NBPF8: variants seen among roughly 807,000 people sequenced by gnomAD.
NBPF8 encodes the protein NBPF family member NBPF8.
intron 11 of NBPF8, among the ~76,000 whole-genome samples, chr1:120,449,632 T>G (rs1556606440): frequency 1.3e-5 from 2 of 152,182 alleles, no homozygotes; most frequent in South Asian, 2.1e-4. Context: ...TAAACTGCCA[T>G]TTATTGATTT....
chr1:120,450,704 A>G (rs1661242738), intron 11 of NBPF8, among the ~76,000 whole-genome samples: 1 of 152,214 alleles, frequency 6.6e-6, no homozygotes, highest in South Asian at 2.1e-4. Flanking sequence ...AACTGAAGAT[A>G]TGATTTAAAA....
chr1:120,417,775 A>AT (rs1335148303), upstream of NBPF8, among the ~76,000 whole-genome samples: 2 of 142,172 alleles, frequency 1.4e-5, no homozygotes, highest in Non-Finnish European at 3.0e-5. Context: ...TAATTTTCAT[A>AT]TTTTTTGTAG....
At chr1:120,452,918 C>T (rs1661325573) in intron 13 of NBPF8, among the ~76,000 whole-genome samples, 1 of 151,936 alleles carries the variant, frequency 6.6e-6, no homozygotes, top group Non-Finnish European at 1.5e-5. Flanking sequence ...ATAGAATGTC[C>T]CTGAAGAACA....
At chr1:120,454,205 A>G (rs1446220607) in intron 15 of NBPF8, 91 bp downstream of exon 13, 2 of 1,489,106 alleles carry the variant, frequency 1.3e-6, no homozygotes, top group Non-Finnish European at 1.9e-6. Flanking sequence ...AATTCATTTG[A>G]ATAAAAAACT....
chr1:120,451,987 C>T (rs1661287936), intron 12 of NBPF8, 130 bp from the exon 11 acceptor site: 1 of 1,052,628 alleles, frequency 9.5e-7, no homozygotes, highest in East Asian at 2.3e-5. Context: ...ACAGACATTC[C>T]TTTCAACATG....
chr1:120,436,123 C>T (rs1204134215), upstream of NBPF8, among the ~76,000 whole-genome samples: 2 of 150,714 alleles, frequency 1.3e-5, no homozygotes, highest in Non-Finnish European at 3.0e-5. Context: ...TGGTGACCCT[C>T]AGGTGAGACT....
rs1660577293 is a variant in NBPF8, at chr1:120,421,522, T to TCCTC, written n.269+1408_269+1411dup. On this transcript the variant is annotated intron_variant and non_coding_transcript_variant, in intron 1 of 28. Coordinates refer to the NBPF8 transcript ENST00000652355. ...TCCCTCCCTCCCTTCCTTCCTTCCT[T>TCCTC]CCTCCCTTCCTCCTTCCTTCCCTCC... 2.0e-5 allele frequency among the ~76,000 whole-genome samples: 3 copies of TCCTC among 148,098 alleles called. No individual in the cohort carries two copies. The East Asian group carries it at 6.1e-4, about 30-fold the overall frequency.
At chr1:120,464,630 C>G in intron 23 of NBPF8, 82 bp downstream of exon 21, 1 of 759,664 alleles carries the variant, frequency 1.3e-6, no homozygotes, top group Non-Finnish European at 2.4e-6. Context: ...GTGGCCATTA[C>G]TGAGCTGAGA....
chr1:120,468,167 C>T (rs1288722343), downstream of NBPF8, among the ~76,000 whole-genome samples: 1 of 150,016 alleles, frequency 6.7e-6, no homozygotes, highest in African/African-American at 2.5e-5. Flanking sequence ...CTTTTTCCTA[C>T]CTCCTTTACC....
intron 15 of NBPF8, 135 bp from the exon 14 acceptor site, chr1:120,455,274 C>G: frequency 3.2e-6 from 2 of 632,572 alleles, no homozygotes; most frequent in Admixed American, 2.8e-5. Context: ...CTAGGACAAC[C>G]TAGAATATTC....
exon 14 of NBPF8, chr1:120,453,381 A>C: frequency 1.2e-6 from 1 of 866,156 alleles, no homozygotes; most frequent in Non-Finnish European, 1.8e-6. Context: ...GAAAATGACA[A>C]CGATGACGAT....
chr1:120,460,057 G>C (rs1226140637), intron 17 of NBPF8, among the ~76,000 whole-genome samples: 1 of 152,112 alleles, frequency 6.6e-6, no homozygotes, highest in Middle Eastern at 3.2e-3. Flanking sequence ...TGTCCGTCAT[G>C]TTCCTGGTAT....
In NBPF8 at chr1:120,466,189, G is replaced by T; in HGVS notation, n.3780G>T. 3 of 1,609,318 alleles carry T rather than the reference G, an allele frequency of 1.9e-6. No individual in the cohort carries two copies. The South Asian group carries it at 3.3e-5, about 18-fold the overall frequency. The stretch of plus-strand genomic sequence containing the variant: ...TTTGACGGTGACAAGTCTCTATCTG[G>T]TCTTCCAGATGGGAGTCATATTCCC... On this transcript the variant is annotated non_coding_transcript_exon_variant, in exon 25 of 25. Transcript: ENST00000583271.
chr1:120,462,908 C>A (rs1661632243), exon 21 of NBPF8: 1 of 461,140 alleles, frequency 2.2e-6, no homozygotes, highest in African/African-American at 4.2e-5. Context: ...GCCAGCCCTA[C>A]AGCAGTGCTG....
chr1:120,416,890 G>T (rs1660451002), upstream of NBPF8, among the ~76,000 whole-genome samples: 1 of 145,290 alleles, frequency 6.9e-6, no homozygotes, highest in African/African-American at 2.6e-5. Flanking sequence ...TAATGTATCA[G>T]TGTGATTTCA....
At chr1:120,427,382 C>CATTAATGTAT (rs1312495927) in intron 2 of NBPF8, among the ~76,000 whole-genome samples, 1 of 145,906 alleles carries the variant, frequency 6.9e-6, no homozygotes, top group Non-Finnish European at 1.5e-5. Context: ...ACATTCCAAC[C>CATTAATGTAT]ATTAATGTAT....
exon 25 of NBPF8, chr1:120,466,130 G>A: frequency 6.2e-7 from 1 of 1,610,676 alleles, no homozygotes; most frequent in Non-Finnish European, 8.5e-7. Context: ...CAGCACATCA[G>A]CTTTGCCCTT....
intron 1 of NBPF8, among the ~76,000 whole-genome samples, chr1:120,425,254 C>A (rs4649639): frequency 6.6e-6 from 1 of 151,272 alleles, no homozygotes; most frequent in Non-Finnish European, 1.5e-5. Flanking sequence ...TCTGTCTCCT[C>A]CTCGTCCCTG....
At chr1:120,450,777 T>C (rs1204522467) in intron 11 of NBPF8, among the ~76,000 whole-genome samples, 11 of 152,150 alleles carry the variant, frequency 7.2e-5, no homozygotes, top group African/African-American at 2.7e-4. Flanking sequence ...AGGGAAACCA[T>C]CAGTCCCATA....
Sources: allele counts gnomAD v4.1 joint callset (sites outside exome capture counted in the v4.1 genomes callset), GRCh38; gene constraint gnomAD v4.1.1; transcripts MANE v1.5; gene names NCBI Gene and HGNC (gene_info 2026-07-23, HGNC 2026-07-21).